The following ZSCAN30 variants were observed in gnomAD, a reference collection of about 807,000 sequenced individuals.
The protein encoded by ZSCAN30 is zinc finger and SCAN domain containing 30, also known as zinc finger and SCAN domain-containing protein 30.
In ZSCAN30, 37 loss-of-function variants were observed where a neutral mutation model predicts 44.3. That is an observed-to-expected ratio of 0.84 (90% confidence interval 0.64 to 1.10). ZSCAN30 has a LOEUF of 1.10. ZSCAN30 is among the 50% of genes least tolerant of loss of function. The probability of loss-of-function intolerance (pLI) is 0.00; values close to 1 mark genes in which losing one functional copy is unlikely to be tolerated. For missense variants in ZSCAN30, 549 were observed against 582.6 expected, an observed-to-expected ratio of 0.94 and a Z score of 0.59; for synonymous variants, 181 against 204.6, an observed-to-expected ratio of 0.88 and a Z score of 0.98.
Position 35,251,582 on chromosome 18 carries a change from G to T in ZSCAN30, c.*1868C>A, listed in dbSNP as rs189231912. The T allele has an allele frequency of 6.6e-6, 1 of 152,242 alleles. No homozygotes were observed. The highest frequency in any genetic ancestry group is 1.9e-4 in the East Asian group (1 of 5,172). The allele number at this position is 152,242 out of a possible 1,614,324, so 9.4% of individuals were successfully genotyped here. A position where few individuals can be genotyped will look rare whatever the true frequency, so the allele number is the denominator to read the frequency against. ...CCCCAGGTGTTGAGGGAGGGTCGTG[G>T]TGGGAGGTGATTAGATCATGGGAGC... On this transcript the variant is annotated 3_prime_UTR_variant, in exon 4 of 4. Coordinates refer to ENST00000333206, the MANE Select transcript of ZSCAN30 (RefSeq NM_001112734.4).
At chr18:35,263,763 T>C (rs764493234) in intron 2 of ZSCAN30, 106 bp from the exon 3 acceptor site, 1 of 1,450,376 alleles carries the variant, frequency 6.9e-7, no homozygotes, top group Non-Finnish European at 9.4e-7. Flanking sequence ...TTCAAATGAT[T>C]AGAGAGAAAA....
chr18:35,274,897 A>C (rs746883450), intron 1 of ZSCAN30, among the ~76,000 whole-genome samples: 1 of 152,240 alleles, frequency 6.6e-6, no homozygotes, highest in Non-Finnish European at 1.5e-5. Flanking sequence ...AAAAGATAGT[A>C]TCTTTTGAAG....
At chr18:35,271,744 T>C (rs7241799) in intron 1 of ZSCAN30, among the ~76,000 whole-genome samples, 118,955 of 152,040 alleles carry the variant, frequency 0.78, 48,164 homozygotes, top group Non-Finnish European at 0.89. Context: ...TGGGAGCCCA[T>C]TGCGGGGAGG....
At chr18:35,255,259 C>T (rs1337921838) in intron 3 of ZSCAN30, among the ~76,000 whole-genome samples, 3 of 151,144 alleles carry the variant, frequency 2.0e-5, no homozygotes, top group Non-Finnish European at 3.0e-5. Context: ...TACAGTAACT[C>T]ATAACAGAAG....
intron 3 of ZSCAN30, chr18:35,260,193 A>T (rs892417417): frequency 6.6e-6 from 1 of 152,218 alleles, no homozygotes; most frequent in African/African-American, 2.4e-5. Context: ...ACATGAACTC[A>T]TTCCTGCTTA....
At chr18:35,279,125 C>G (rs1358276886) in intron 1 of ZSCAN30, among the ~76,000 whole-genome samples, 1 of 152,174 alleles carries the variant, frequency 6.6e-6, no homozygotes, top group African/African-American at 2.4e-5. Context: ...AATTCCAAAG[C>G]CACATCTATA....
rs774104481 is a variant in ZSCAN30, at chr18:35,253,963, AGTAT to A, written c.968_971del (p.His323LeufsTer17). ...CTTTACATGCATAAGGTCTCTCTCC[AGTAT>A]GAATTCTCTGATGTCTAATCAGCTT... On this transcript the variant is annotated frameshift_variant, in exon 4 of 4. Transcript: ENST00000333206. LOFTEE classifies it high-confidence loss of function. 1.2e-6 allele frequency: 2 copies of A among 1,614,100 alleles called. No homozygotes were observed. The highest frequency in any genetic ancestry group is 2.7e-5 in the African/African-American group (2 of 74,942).
In ZSCAN30 at chr18:35,253,295, CA is replaced by C; in HGVS notation, c.*154del. On this transcript the variant is annotated 3_prime_UTR_variant, in exon 4 of 4. Transcript: ENST00000333206. ...TTCTTCCATTTAACACTTCAATAAT[CA>C]TAACAAACATCTTTGTGTGCATGTC... 1 of 552,264 alleles carries C rather than the reference CA, an allele frequency of 1.8e-6. No individual in the cohort carries two copies. 34.2% of individuals were successfully genotyped at this position (552,264 alleles called of 1,614,324 possible).
chr18:35,283,296 C>G (rs993078148), intron 1 of ZSCAN30: 1 of 152,134 alleles, frequency 6.6e-6, no homozygotes, highest in African/African-American at 2.4e-5. Flanking sequence ...GAAGCTGAGG[C>G]ACAAGAATAG....
intron 1 of ZSCAN30, among the ~76,000 whole-genome samples, chr18:35,288,248 A>G (rs1240968652): frequency 6.6e-6 from 1 of 152,252 alleles, no homozygotes; most frequent in African/African-American, 2.4e-5. Context: ...ACCAAAGAAT[A>G]TATACAGATG....
intron 1 of ZSCAN30, among the ~76,000 whole-genome samples, chr18:35,264,810 T>C (rs944903029): frequency 2.6e-5 from 4 of 152,144 alleles, no homozygotes; most frequent in African/African-American, 9.7e-5. Flanking sequence ...TTAACATAAA[T>C]TTTATATGCT....
chr18:35,272,570 C>T (rs2044302974), intron 1 of ZSCAN30, among the ~76,000 whole-genome samples: 1 of 151,938 alleles, frequency 6.6e-6, no homozygotes, highest in Non-Finnish European at 1.5e-5. Flanking sequence ...TTCTCAAACT[C>T]CTGACCTCAA....
At chr18:35,273,306 T>C (rs1311037055) in intron 1 of ZSCAN30, among the ~76,000 whole-genome samples, 6 of 152,248 alleles carry the variant, frequency 3.9e-5, no homozygotes, top group Admixed American at 3.9e-4. Flanking sequence ...ATTTGCCTTT[T>C]TGTGACTGGC....
intron 1 of ZSCAN30, among the ~76,000 whole-genome samples, chr18:35,266,329 G>A (rs1467312273): frequency 6.6e-6 from 1 of 152,150 alleles, no homozygotes; most frequent in Non-Finnish European, 1.5e-5. Flanking sequence ...AGAGAGTGGC[G>A]TGGAGAAGAC....
At chr18:35,261,399 G>A (rs1336604511) in intron 3 of ZSCAN30, 12 of 152,148 alleles carry the variant, frequency 7.9e-5, no homozygotes, top group Non-Finnish European at 1.8e-4. Context: ...GAATGTCAAT[G>A]GTAGTTTAAT....
chr18:35,287,574 C>CAAAA (rs59300208), intron 1 of ZSCAN30, among the ~76,000 whole-genome samples: 119 of 94,632 alleles, frequency 1.3e-3, no homozygotes, highest in African/African-American at 1.7e-3. Context: ...ATCCACATAC[C>CAAAA]AAAAAAAAAA....
intron 1 of ZSCAN30, chr18:35,270,255 A>ACTCT (rs1555948090): frequency 1.3e-5 from 2 of 151,644 alleles, no homozygotes; most frequent in Non-Finnish European, 2.9e-5. Flanking sequence ...ATCTCTCTGT[A>ACTCT]CTATCTTTGC....
chr18:35,256,071 G>A (rs1346416900), intron 3 of ZSCAN30, among the ~76,000 whole-genome samples: 1 of 152,022 alleles, frequency 6.6e-6, no homozygotes, highest in Admixed American at 6.6e-5. Context: ...TGTAACTTAT[G>A]GGATTTAAAT....
At chr18:35,278,059 TTTCTC>T (rs1362869145) in intron 1 of ZSCAN30, among the ~76,000 whole-genome samples, 1 of 151,768 alleles carries the variant, frequency 6.6e-6, no homozygotes, top group Non-Finnish European at 1.5e-5. Context: ...AATTTTCTAA[TTTCTC>T]TTATGATTTC....
Sources: gnomAD v4.1 joint callset for allele counts (sites outside exome capture counted in the v4.1 genomes callset) on GRCh38, gnomAD v4.1.1 for gene constraint, MANE v1.5 for transcripts, NCBI Gene and HGNC (gene_info 2026-07-23, HGNC 2026-07-21) for gene names.